Variants in NAV3 observed in about 807,000 individuals in gnomAD.
NAV3 encodes the protein pore membrane and/or filament interacting like protein 1.
In NAV3, 87 loss-of-function variants were observed where a neutral mutation model predicts 244.7. The observed-to-expected ratio is 0.36, with a 90% CI of 0.30 to 0.42. The LOEUF is 0.42. Ranked by LOEUF, NAV3 falls within the 20% of genes least tolerant of loss-of-function variation. The pLI is 1.00. For missense variants in NAV3, 2,663 were observed against 2,893.3 expected, an observed-to-expected ratio of 0.92 and a Z score of 1.83; for synonymous variants, 1,126 against 1,042.2, an observed-to-expected ratio of 1.08 and a Z score of -1.55.
At chr12:77,677,337 GA>G in intron 2 of NAV3, among the ~76,000 whole-genome samples, 1 of 152,324 alleles carries the variant, frequency 6.6e-6, no homozygotes, top group African/African-American at 2.4e-5. Context: ...TTAAATAGAT[GA>G]AAAAATGGAA....
intron 18 of NAV3, among the ~76,000 whole-genome samples, chr12:78,133,643 A>G (rs908591774): frequency 6.6e-6 from 1 of 152,188 alleles, no homozygotes; most frequent in African/African-American, 2.4e-5. Flanking sequence ...GATCACTACA[A>G]TATGTCATAT....
chr12:77,756,674 A>G lies in NAV3; in HGVS notation c.73-183645A>G, dbSNP rs12313958. ...GGAATATTTTAGTCATGCTTTAAAA[A>G]TGAGATTCTAAATTATTTTTAATTT... On this transcript the variant is annotated intron_variant, in intron 2 of 8. Transcript: ENST00000550042. Among the ~76,000 whole-genome samples the G allele has an allele frequency of 3.0e-3, 455 of 152,340 alleles. 3 individuals carry two copies. Among genetic ancestry groups the G allele is most frequent in the African/African-American group, 0.01 (434 of 41,590 alleles).
At chr12:78,185,225 A>G (rs1419788821) in intron 30 of NAV3, among the ~76,000 whole-genome samples, 1 of 151,814 alleles carries the variant, frequency 6.6e-6, no homozygotes, top group African/African-American at 2.4e-5. Flanking sequence ...TTGAGCTTGG[A>G]TATTTTAGAT....
chr12:77,662,154 T>C (rs530599652), intron 2 of NAV3, among the ~76,000 whole-genome samples: 2 of 152,094 alleles, frequency 1.3e-5, no homozygotes, highest in East Asian at 3.9e-4. Flanking sequence ...ATCTTAACGA[T>C]ATTGAGTCTT....
intron 23 of NAV3, among the ~76,000 whole-genome samples, chr12:78,162,425 T>A (rs1473784592): frequency 6.6e-6 from 1 of 152,128 alleles, no homozygotes; most frequent in East Asian, 1.9e-4. Flanking sequence ...TCTATAGACA[T>A]ACCTATCTAC....
chr12:77,734,062 A>G (rs1877235619), intron 2 of NAV3, among the ~76,000 whole-genome samples: 1 of 151,716 alleles, frequency 6.6e-6, no homozygotes, highest in African/African-American at 2.4e-5. Flanking sequence ...AAAAGAGAAG[A>G]CCCTGAATAA....
chr12:77,587,647 G>A (rs746191347), intron 2 of NAV3, among the ~76,000 whole-genome samples: 11 of 152,168 alleles, frequency 7.2e-5, no homozygotes, highest in Non-Finnish European at 1.6e-4. Context: ...GTTACAAAAT[G>A]TAAAATTAAA....
intron 2 of NAV3, among the ~76,000 whole-genome samples, chr12:77,725,601 A>G (rs1401967263): frequency 1.3e-5 from 2 of 151,838 alleles, no homozygotes; most frequent in Admixed American, 6.6e-5. Context: ...AGTTGTAGAG[A>G]GCTTGCTCGC....
intron 38 of NAV3, among the ~76,000 whole-genome samples, chr12:78,201,724 C>G (rs74991487): frequency 0.033 from 5,028 of 152,130 alleles, 101 homozygotes; most frequent in South Asian, 0.055. Context: ...GATCTCATCT[C>G]CTTTTCAGTA....
At chr12:77,623,246 A>G (rs1158997870) in intron 2 of NAV3, among the ~76,000 whole-genome samples, 2 of 152,230 alleles carry the variant, frequency 1.3e-5, no homozygotes, top group Non-Finnish European at 2.9e-5. Flanking sequence ...AAGATCAAAA[A>G]TAAAATAACA....
intron 2 of NAV3, among the ~76,000 whole-genome samples, chr12:77,648,099 C>T (rs1337212700): frequency 1.3e-5 from 2 of 152,034 alleles, no homozygotes; most frequent in Non-Finnish European, 2.9e-5. Context: ...AAAATCATGC[C>T]TATTTGGAAA....
At chr12:78,204,086 AAC>A (rs1287280653) in intron 38 of NAV3, among the ~76,000 whole-genome samples, 2 of 152,042 alleles carry the variant, frequency 1.3e-5, no homozygotes, top group African/African-American at 4.8e-5. Context: ...AGTGGCCTGA[AAC>A]ACAAACATCT....
Position 77,982,409 on chromosome 12 carries a change from T to C in NAV3, c.672-12394T>C, listed in dbSNP as rs946611733. Among the ~76,000 whole-genome samples, 3 of 152,082 alleles carry C rather than the reference T, an allele frequency of 2.0e-5. 1 individual carries two copies. Among genetic ancestry groups the C allele is most frequent in the Non-Finnish European group, 4.4e-5 (3 of 68,000 alleles). On this transcript the variant is annotated intron_variant, in intron 5 of 39. Coordinates refer to ENST00000397909, the MANE Select transcript of NAV3 (RefSeq NM_001024383.2). ...CCTCTTCAAATCACCCACAATCTTA[T>C]AGAGTACCTAAATATTTAAGCAGAT...
chr12:77,823,771 A>G (rs544487771), intron 2 of NAV3, among the ~76,000 whole-genome samples: 1 of 152,294 alleles, frequency 6.6e-6, no homozygotes, highest in South Asian at 2.1e-4. Flanking sequence ...CCAGGAGGGA[A>G]AAAAATCCAT....
intron 2 of NAV3, among the ~76,000 whole-genome samples, chr12:77,727,682 A>T (rs1219892761): frequency 6.6e-6 from 1 of 151,920 alleles, no homozygotes; most frequent in African/African-American, 2.4e-5. Flanking sequence ...TGTTCTAAAA[A>T]TTTTACACTT....
At chr12:78,188,502 A>T in intron 32 of NAV3, 107 bp from the exon 33 acceptor site, 1 of 1,228,350 alleles carries the variant, frequency 8.1e-7, no homozygotes. Flanking sequence ...TATATTACCC[A>T]TTTCTAATAT....
intron 2 of NAV3, among the ~76,000 whole-genome samples, chr12:77,622,384 C>A (rs1429255681): frequency 6.6e-6 from 1 of 152,056 alleles, no homozygotes; most frequent in Non-Finnish European, 1.5e-5. Flanking sequence ...TGGTCTCGAT[C>A]TCCTGACCTT....
intron 12 of NAV3, among the ~76,000 whole-genome samples, chr12:78,075,033 G>C (rs1216287539): frequency 6.6e-6 from 1 of 152,154 alleles, no homozygotes; most frequent in Non-Finnish European, 1.5e-5. Flanking sequence ...TAAATATTGA[G>C]AAGAACTTTT....
At chr12:78,073,739 C>G (rs1212115835) in intron 12 of NAV3, among the ~76,000 whole-genome samples, 1 of 152,074 alleles carries the variant, frequency 6.6e-6, no homozygotes, top group Non-Finnish European at 1.5e-5. Context: ...CCAAGTCAAT[C>G]CTAAGCCAAA....
Sources: gnomAD v4.1 joint callset for allele counts (sites outside exome capture counted in the v4.1 genomes callset) on GRCh38, gnomAD v4.1.1 for gene constraint, MANE v1.5 for transcripts, NCBI Gene and HGNC (gene_info 2026-07-23, HGNC 2026-07-21) for gene names.